Variants in LLGL2 observed in about 807,000 individuals in gnomAD.
The protein encoded by LLGL2 is LLGL2, scribble cell polarity complex component.
LLGL2 carries 81 observed loss-of-function variants against 123.2 expected under a neutral mutation model. That is an observed-to-expected ratio of 0.66 (90% CI 0.55 to 0.79). The LOEUF is 0.79. Among genes scored for constraint, LLGL2 ranks in the 30% least tolerant of loss-of-function variants. The pLI is 0.00. For synonymous variants in LLGL2, 577 were observed against 594.1 expected (o/e 0.97, Z 0.42); for missense variants, 1,273 against 1,414.6 (o/e 0.90, Z 1.61).
rs1297789439 is a variant in LLGL2, at chr17:75,558,777, TCCGAGTGGAGTGGGCGGGGCTGCAG to T, written c.371+153_371+177del. On this transcript the variant is annotated intron_variant, in intron 5 of 25. Coordinates refer to ENST00000392550, the MANE Select transcript of LLGL2 (RefSeq NM_001031803.2). The surrounding 1 kb of genome is among the most constrained non-coding windows in gnomAD (Gnocchi z 4.0). Reference sequence around the variant, plus strand: ...CCGATGCATCGCCACACTCAGGTGCTCCGAGTGGAGTGGGCGGGGCTGCAGCCTGCCTCCTCCATCCACACCACGC... The same window carrying T: ...CCGATGCATCGCCACACTCAGGTGCTCCTGCCTCCTCCATCCACACCACGC... 1.0e-5 allele frequency: 7 copies of T among 678,866 alleles called. No homozygotes were observed. In the East Asian group the frequency reaches 1.6e-4, roughly 16 times the overall value. 42.1% of individuals were successfully genotyped at this position (678,866 alleles called of 1,614,324 possible). A position where few individuals can be genotyped will look rare whatever the true frequency, so the allele number is the denominator to read the frequency against.
At chr17:75,538,693 A>C (rs552321332) in intron 1 of LLGL2, 1 of 152,304 alleles carries the variant, frequency 6.6e-6, no homozygotes, top group South Asian at 2.1e-4. Context: ...GGCCAGGTCC[A>C]AGGAGAAAAG....
intron 1 of LLGL2, chr17:75,542,906 CG>C (rs916139900): frequency 6.6e-6 from 1 of 152,352 alleles, no homozygotes; most frequent in Non-Finnish European, 1.5e-5. Flanking sequence ...AGCATCTGCC[CG>C]GTGCCCTGGC....
At position 75,574,614 on chromosome 17, in the gene LLGL2, G is replaced by T; in HGVS notation, c.3001G>T (p.Gly1001Cys). 3 of 1,612,246 alleles carry T rather than the reference G, an allele frequency of 1.9e-6. No homozygotes were observed. The highest frequency in any genetic ancestry group is 2.5e-6 in the Non-Finnish European group (3 of 1,179,608). The change falls in exon 25 of 26, where the codon GGC (glycine) becomes TGC (cysteine). Residue 1001 changes from glycine to cysteine, a missense_variant. By Grantham distance (159) the Gly-to-Cys change is radical (BLOSUM62 -3). Transcript: ENST00000392550. ...QSTLEGDRGS[G>C]NWRSHRAAVG... ...CCCCTGTCTTTGCCTGTGCAGGAGC[G>T]GCAACTGGCGTTCACATCGAGCCGC... is the stretch of plus-strand genomic sequence containing the variant.
In LLGL2 at chr17:75,558,433, C is replaced by T. The variant is rs1200083138; in HGVS notation, c.256-79C>T. ...AGTGGCCAGGGGGTCTTTTAAACAA[C>T]TGGGGCTGCGTGGCCCCAGTGTGTA... On this transcript the variant is annotated intron_variant, in intron 4 of 25. Coordinates refer to ENST00000392550, the MANE Select transcript of LLGL2 (RefSeq NM_001031803.2). This position sits in a 1 kb window ranked among gnomAD's most constrained non-coding sequence, Gnocchi z 4.0. 7.7e-7 allele frequency: 1 copy of T among 1,307,160 alleles called. No homozygotes were observed. The highest frequency in any genetic ancestry group is 1.5e-5 in the African/African-American group (1 of 67,948). 81.0% of individuals were successfully genotyped at this position (1,307,160 alleles called of 1,614,324 possible). A position where few individuals can be genotyped will look rare whatever the true frequency, so the allele number is the denominator to read the frequency against.
chr17:75,532,051 T>TACACAC (rs1470150170), intron 1 of LLGL2, among the ~76,000 whole-genome samples: 12 of 36,778 alleles, frequency 3.3e-4, no homozygotes, highest in African/African-American at 8.2e-4. Context: ...TATATATGTA[T>TACACAC]ATATACACAC....
Position 75,568,777 on chromosome 17 carries a change from G to C in LLGL2, c.1260G>C (p.Trp420Cys). The C allele has an allele frequency of 6.2e-7, 1 of 1,606,196 alleles. No individual in the cohort carries two copies. The highest frequency in any genetic ancestry group is 2.2e-5 in the East Asian group (1 of 44,796). ...RQNAHFSTME[W>C]PIDGGTSLTP... is the part of the protein sequence containing the mutation. The stretch of plus-strand genomic sequence containing the variant: ...TTCTTGGTCTCTTTTTCTAGGAGTG[G>C]CCAATTGATGGTGGCACCAGCCTGA... Residue 420 changes from tryptophan (W) to cysteine (C), a missense_variant, in exon 12 of 26, where the codon TGG (tryptophan) becomes TGC (cysteine). Physicochemically the swap from Trp to Cys is radical, Grantham distance 215 (BLOSUM62 -2). Transcript: ENST00000392550.
chr17:75,574,491 C>G lies in LLGL2; in HGVS notation c.2992C>G (p.Arg998Gly), dbSNP rs750456928. Reference sequence around the variant, plus strand: ...AATCCAGAGCACACTGGAGGGAGACCGCGGGTGAGGCACCGCCCAGGCCAG... The same window carrying G: ...AATCCAGAGCACACTGGAGGGAGACGGCGGGTGAGGCACCGCCCAGGCCAG... ...KEIQSTLEGDRGSGNWRSHRA... is the reference protein window; with the variant it reads ...KEIQSTLEGDGGSGNWRSHRA... Residue 998 changes from arginine to glycine, a missense_variant, in exon 24 of 26, where the codon CGC becomes GGC. Coordinates refer to ENST00000392550, the MANE Select transcript of LLGL2 (RefSeq NM_001031803.2). 9.0e-6 allele frequency: 14 copies of G among 1,557,506 alleles called. No homozygotes were observed. Among genetic ancestry groups the G allele is most frequent in the South Asian group, 1.2e-5 (1 of 84,886 alleles).
chr17:75,529,837 G>T (rs970085820), intron 1 of LLGL2, among the ~76,000 whole-genome samples: 40 of 152,192 alleles, frequency 2.6e-4, no homozygotes, highest in African/African-American at 9.4e-4. Flanking sequence ...CTCCAGCCTG[G>T]TGACAGAGCA....
intron 23 of LLGL2, 49 bp downstream of exon 23, chr17:75,574,309 G>A: frequency 6.7e-7 from 1 of 1,491,314 alleles, no homozygotes; most frequent in Non-Finnish European, 9.0e-7. Flanking sequence ...TGGGGAAGGG[G>A]GGTCAGGGTC....
chr17:75,532,193 A>C (rs1317128580), intron 1 of LLGL2, among the ~76,000 whole-genome samples: 1 of 145,450 alleles, frequency 6.9e-6, no homozygotes, highest in African/African-American at 2.6e-5. Context: ...CTCCCACCTC[A>C]GCCTCCCCAG....
chr17:75,569,934 C>A lies in LLGL2; in HGVS notation c.1582-29C>A. On this transcript the variant is annotated intron_variant, in intron 14 of 25. Coordinates refer to ENST00000392550, the MANE Select transcript of LLGL2 (RefSeq NM_001031803.2). The stretch of plus-strand genomic sequence containing the variant: ...GGCCCTGCCGTCCCTTTGCTGAGGG[C>A]TTGCTGAGCCACCTGCCACCCTGCG... 1.9e-6 allele frequency: 3 copies of A among 1,554,302 alleles called. No homozygotes were observed. The South Asian group carries it at 3.6e-5, about 19-fold the overall frequency.
At chr17:75,560,670 G>C (rs987435985) in intron 6 of LLGL2, among the ~76,000 whole-genome samples, 8 of 150,432 alleles carry the variant, frequency 5.3e-5, no homozygotes, top group Non-Finnish European at 1.2e-4. Flanking sequence ...ATTTTTAGTA[G>C]AGACAGGGTT....
chr17:75,573,660 G>A (rs772540810), intron 21 of LLGL2, 29 bp downstream of exon 21: 118 of 966,968 alleles, frequency 1.2e-4, no homozygotes, highest in Non-Finnish European at 1.4e-4. Context: ...GGCCTCTCCC[G>A]CCCCTCCCGC....
Position 75,556,043 on chromosome 17 carries a change from C to T in LLGL2, c.76-3C>T, listed in dbSNP as rs377534101. 29 of 1,607,646 alleles carry T rather than the reference C, an allele frequency of 1.8e-5. No individual in the cohort carries two copies. Among genetic ancestry groups the T allele is most frequent in the Non-Finnish European group, 9.3e-6 (11 of 1,179,550 alleles). On this transcript the variant is annotated splice_region_variant and splice_polypyrimidine_tract_variant and intron_variant, in intron 2 of 25. Coordinates refer to ENST00000392550, the MANE Select transcript of LLGL2 (RefSeq NM_001031803.2). ...GGCCCACCCCACGTGCTTCTCGTTG[C>T]AGACGGTGGAGCATGGCTTCCCGCA... is the stretch of plus-strand genomic sequence containing the variant.
rs2054710841 is a variant in LLGL2 at position 75,552,273 on chromosome 17, G to C, written c.76-3773G>C. On this transcript the variant is annotated intron_variant, in intron 2 of 25. Coordinates refer to ENST00000392550, the MANE Select transcript of LLGL2 (RefSeq NM_001031803.2). ...GAAGGCTGAGGCCTGTGGATCACTTGAGGCCAGGAGTTTGAGACCAGCCTA... is the reference window on the plus strand; with the variant it reads ...GAAGGCTGAGGCCTGTGGATCACTTCAGGCCAGGAGTTTGAGACCAGCCTA... 2.6e-5 allele frequency among the ~76,000 whole-genome samples: 4 copies of C among 151,862 alleles called. 1 individual carries two copies. The South Asian group carries it at 8.3e-4, about 32-fold the overall frequency.
intron 1 of LLGL2, among the ~76,000 whole-genome samples, chr17:75,536,894 C>A (rs2054022499): frequency 6.6e-6 from 1 of 152,164 alleles, no homozygotes; most frequent in South Asian, 2.1e-4. Context: ...GTGGCGCTAT[C>A]TGGGCTCACT....
chr17:75,550,795 AAAAAAAAAAC>A (rs1355127045), intron 2 of LLGL2, among the ~76,000 whole-genome samples: 45 of 150,650 alleles, frequency 3.0e-4, no homozygotes, highest in Admixed American at 1.3e-3. Context: ...AAAAAAAAAA[AAAAAAAAAAC>A]ACACACACAC....
intron 19 of LLGL2, among the ~76,000 whole-genome samples, chr17:75,572,398 T>A (rs1047886045): frequency 2.0e-5 from 3 of 151,932 alleles, no homozygotes; most frequent in African/African-American, 7.3e-5. Context: ...GCGCGGTGGC[T>A]CATGCCTGTA....
rs2055910472 is a variant in LLGL2 at position 75,575,029 on chromosome 17, G to C, written c.*151G>C. 9.2e-7 allele frequency: 1 copy of C among 1,085,634 alleles called. No individual in the cohort carries two copies. Among genetic ancestry groups the C allele is most frequent in the African/African-American group, 1.5e-5 (1 of 64,624 alleles). 67.3% of individuals were successfully genotyped at this position (1,085,634 alleles called of 1,614,324 possible). On this transcript the variant is annotated 3_prime_UTR_variant, in exon 26 of 26. Transcript: ENST00000392550. ...ACAATGCAGCTGCTCTGGGCCTCGG[G>C]AGAGGAGAGACCCCAGTCCCCTGGG... is the stretch of plus-strand genomic sequence containing the variant.
Sources: allele counts gnomAD v4.1 joint callset (sites outside exome capture counted in the v4.1 genomes callset), GRCh38; gene constraint gnomAD v4.1.1; non-coding constraint Gnocchi (gnomAD v3.1); transcripts MANE v1.5; gene names NCBI Gene and HGNC (gene_info 2026-07-23, HGNC 2026-07-21).